The following MAP3K2 variants were observed in gnomAD, a reference collection of about 807,000 sequenced individuals.
The protein encoded by MAP3K2 is mitogen-activated protein kinase kinase kinase 2.
MAP3K2 carries 24 observed loss-of-function variants against 80.3 expected under a neutral mutation model. The ratio of observed to expected loss-of-function variants is 0.30; its 90% CI spans 0.22 to 0.42. MAP3K2 has a LOEUF of 0.42. Ranked by LOEUF, MAP3K2 falls within the 10% of genes least tolerant of loss-of-function variation. The pLI is 1.00. For missense variants in MAP3K2, 608 were observed against 750.1 expected (o/e 0.81, Z 2.21); for synonymous variants, 244 against 253.7 (o/e 0.96, Z 0.36).
At chr2:127,382,723 A>C (rs1401330541) in intron 1 of MAP3K2, among the ~76,000 whole-genome samples, 1 of 152,178 alleles carries the variant, frequency 6.6e-6, no homozygotes, top group Non-Finnish European at 1.5e-5. Flanking sequence ...ACAGGGTTTC[A>C]CCATGTTGGT....
upstream of MAP3K2, chr2:127,388,195 C>T (rs11541137): frequency 0.28 from 275,671 of 984,146 alleles, 39,381 homozygotes; most frequent in Middle Eastern, 0.32. Context: ...GCCCCGCCCC[C>T]GCCCCTGCCC....
intron 3 of MAP3K2, 142 bp downstream of exon 3, chr2:127,338,790 C>G (rs1053907292): frequency 1.1e-4 from 68 of 621,668 alleles, no homozygotes; most frequent in Non-Finnish European, 1.5e-4. Context: ...TGAACACACA[C>G]TCTTACACGA....
At chr2:127,318,686 T>G (rs1333342189) in intron 12 of MAP3K2, among the ~76,000 whole-genome samples, 1 of 152,220 alleles carries the variant, frequency 6.6e-6, no homozygotes. Flanking sequence ...CCACCTACAA[T>G]GTAGAAAGCT....
At position 127,329,951 on chromosome 2, in the gene MAP3K2, C is replaced by G. The variant is rs755674601; in HGVS notation, c.436G>C (p.Ala146Pro). 1 of 1,608,518 alleles carries G rather than the reference C, an allele frequency of 6.2e-7. No homozygotes were observed. The highest frequency in any genetic ancestry group is 1.7e-5 in the Admixed American group (1 of 59,846). Residue 146 changes from alanine to proline, a missense_variant, in exon 7 of 17, where the codon GCA becomes CCA. Coordinates refer to ENST00000682094, the MANE Select transcript of MAP3K2 (RefSeq NM_001371910.2). ...LEDLDNTVFGAERKKRLSIIG... is the reference protein window; with the variant it reads ...LEDLDNTVFGPERKKRLSIIG... ...ATAGATAGCCGTTTTTTCCTCTCTG[C>G]TCCAAATACTGTATTATCCAAATCT...
At chr2:127,314,607 C>CAT in intron 15 of MAP3K2, 147 bp downstream of exon 15, 2 of 649,346 alleles carry the variant, frequency 3.1e-6, no homozygotes, top group Non-Finnish European at 2.6e-6. Context: ...AGAACACTGA[C>CAT]AGAGTCCATA....
At chr2:127,352,119 C>T (rs1458129157) in intron 1 of MAP3K2, among the ~76,000 whole-genome samples, 2 of 152,032 alleles carry the variant, frequency 1.3e-5, no homozygotes, top group African/African-American at 2.4e-5. Context: ...ACAAGCAATC[C>T]ACCTGCCTTG....
chr2:127,350,664 G>A (rs1686677649), intron 1 of MAP3K2, among the ~76,000 whole-genome samples: 1 of 151,812 alleles, frequency 6.6e-6, no homozygotes, highest in South Asian at 2.1e-4. Flanking sequence ...AAATGCTAAA[G>A]CTAGTGGATG....
rs1687404637 is a variant in MAP3K2 at position 127,387,940 on chromosome 2, A to AGGCAGCCC, written c.-562_-555dup. 1.0e-6 allele frequency: 1 copy of AGGCAGCCC among 984,514 alleles called. No homozygotes were observed. Among genetic ancestry groups the AGGCAGCCC allele is most frequent in the South Asian group, 4.7e-5 (1 of 21,278 alleles). The allele number at this position is 984,514 out of a possible 1,614,324, so 61.0% of individuals were successfully genotyped here. A position where few individuals can be genotyped will look rare whatever the true frequency, so the allele number is the denominator to read the frequency against. On this transcript the variant is annotated 5_prime_UTR_variant, in exon 1 of 17. Transcript: ENST00000682094. ...CTCGTCAGGCGCCGCCGCTGAGGGC[A>AGGCAGCCC]GGCAGCCCGGCAGCCACTACACACG...
At chr2:127,385,856 C>T (rs180829438) in intron 1 of MAP3K2, among the ~76,000 whole-genome samples, 308 of 152,266 alleles carry the variant, frequency 2.0e-3, no homozygotes, top group Non-Finnish European at 3.1e-3. Context: ...AAAAGCTCCC[C>T]CTAAAACATT....
chr2:127,340,542 A>T (rs943307204), intron 2 of MAP3K2, among the ~76,000 whole-genome samples: 2 of 152,108 alleles, frequency 1.3e-5, no homozygotes, highest in African/African-American at 4.8e-5. Flanking sequence ...CTGTAGTCCC[A>T]GCTACTTGGG....
At position 127,315,448 on chromosome 2, in the gene MAP3K2, G is replaced by A. The variant is rs7561028; in HGVS notation, c.1327-565C>T. On this transcript the variant is annotated intron_variant, in intron 14 of 16. Coordinates refer to ENST00000682094, the MANE Select transcript of MAP3K2 (RefSeq NM_001371910.2). ...CTCTGTCATATGAAAGTAAATCCTT[G>A]GATTTTACAGATTTAACCATTTGTC... is the stretch of plus-strand genomic sequence containing the variant. 2.3e-3 allele frequency among the ~76,000 whole-genome samples: 355 copies of A among 152,260 alleles called. 1 individual carries two copies. The highest frequency in any genetic ancestry group is 7.8e-3 in the African/African-American group (322 of 41,548).
intron 14 of MAP3K2, chr2:127,317,091 A>G (rs1479399453): frequency 6.8e-6 from 1 of 148,090 alleles, no homozygotes; most frequent in African/African-American, 2.5e-5. Flanking sequence ...CTGAGAGTGA[A>G]GACTCTTAAC....
rs181960078 is a variant in MAP3K2 at position 127,378,472 on chromosome 2, C to A, written c.-66+8980G>T. Among the ~76,000 whole-genome samples the A allele has an allele frequency of 1.8e-3, 267 of 152,298 alleles. 1 individual carries two copies. Among genetic ancestry groups the A allele is most frequent in the Middle Eastern group, 0.01 (3 of 294 alleles). On this transcript the variant is annotated intron_variant, in intron 1 of 16. Transcript: ENST00000682094. Reference sequence around the variant, plus strand: ...CAAACCAATACATTTATGTTCCCATCAACTTACCGAAAATTAGTTATATTT... The same window carrying A: ...CAAACCAATACATTTATGTTCCCATAAACTTACCGAAAATTAGTTATATTT...
chr2:127,318,299 T>C lies in MAP3K2; in HGVS notation c.1064A>G (p.Asn355Ser). Reference sequence around the variant, plus strand: ...GCCAAGCAGTTTGCCCAATCTCCAGTTGGTCGGAGCTCGAGGTGCTGAAAA... The same window carrying C: ...GCCAAGCAGTTTGCCCAATCTCCAGCTGGTCGGAGCTCGAGGTGCTGAAAA... Reference protein sequence around the residue: ...PPSRSPRAPTNWRLGKLLGQG... With the variant: ...PPSRSPRAPTSWRLGKLLGQG... The change falls in exon 13 of 17, where the codon AAC becomes AGC. Residue 355 changes from asparagine to serine, a missense_variant. By Grantham distance (46) the Asn-to-Ser change is conservative (BLOSUM62 1). Transcript: ENST00000682094. 1.9e-6 allele frequency: 3 copies of C among 1,600,270 alleles called. No homozygotes were observed. Among genetic ancestry groups the C allele is most frequent in the Non-Finnish European group, 2.6e-6 (3 of 1,175,002 alleles).
intron 1 of MAP3K2, among the ~76,000 whole-genome samples, chr2:127,380,807 G>C (rs1316312076): frequency 6.6e-6 from 1 of 152,074 alleles, no homozygotes; most frequent in East Asian, 1.9e-4. Flanking sequence ...AGTGTGTGTA[G>C]ATATAGATAT....
chr2:127,318,802 A>C (rs986108563), intron 12 of MAP3K2, among the ~76,000 whole-genome samples: 2 of 152,206 alleles, frequency 1.3e-5, no homozygotes, highest in Non-Finnish European at 2.9e-5. Context: ...AGGGCAACCA[A>C]CTAACCTGAA....
At chr2:127,348,528 T>C (rs1387387646) in intron 1 of MAP3K2, among the ~76,000 whole-genome samples, 2 of 152,170 alleles carry the variant, frequency 1.3e-5, no homozygotes, top group Non-Finnish European at 2.9e-5. Flanking sequence ...ACATGAAATG[T>C]CTAGAATAGC....
chr2:127,353,292 G>A (rs1261333972), intron 1 of MAP3K2, among the ~76,000 whole-genome samples: 7 of 151,620 alleles, frequency 4.6e-5, no homozygotes, highest in Non-Finnish European at 8.8e-5. Flanking sequence ...TGAGATGTGG[G>A]GAGGGCCTCT....
intron 7 of MAP3K2, among the ~76,000 whole-genome samples, chr2:127,328,651 G>C (rs193062493): frequency 6.6e-6 from 1 of 152,116 alleles, no homozygotes; most frequent in Non-Finnish European, 1.5e-5. Context: ...TCTGCTGCTC[G>C]CATTTCTGCA....
Sources: allele counts gnomAD v4.1 joint callset (sites outside exome capture counted in the v4.1 genomes callset), GRCh38; gene constraint gnomAD v4.1.1; transcripts MANE v1.5; gene names NCBI Gene and HGNC (gene_info 2026-07-23, HGNC 2026-07-21).